Variants in SLC1A3 observed in about 807,000 individuals in gnomAD.
SLC1A3 encodes the protein excitatory amino acid transporter 1.
A neutral mutation model predicts 48.1 loss-of-function variants in SLC1A3; 21 were observed. The ratio of observed to expected loss-of-function variants is 0.44; its 90% confidence interval spans 0.31 to 0.63. The LOEUF is 0.63. SLC1A3 is among the 20% of genes least tolerant of loss of function. SLC1A3 has a pLI of 0.08. For missense variants in SLC1A3, 546 were observed against 689.0 expected (o/e 0.79, Z 2.32); for synonymous variants, 239 against 251.4 (o/e 0.95, Z 0.47).
rs117555640 is a variant in SLC1A3 at position 36,666,804 on chromosome 5, T to C, written c.320-4225T>C. On this transcript the variant is annotated intron_variant, in intron 3 of 9. Coordinates refer to ENST00000265113, the MANE Select transcript of SLC1A3 (RefSeq NM_004172.5). Reference sequence around the variant, plus strand: ...CCATATAGACTTACAGAGTACCACATACACATTTCCAAAACATTCCCTCTC... The same window carrying C: ...CCATATAGACTTACAGAGTACCACACACACATTTCCAAAACATTCCCTCTC... 8.1e-4 allele frequency among the ~76,000 whole-genome samples: 124 copies of C among 152,340 alleles called. 3 individuals are homozygous for C. In the East Asian group the frequency reaches 0.022, roughly 27 times the overall value.
At chr5:36,656,060 A>G (rs549662440) in intron 3 of SLC1A3, among the ~76,000 whole-genome samples, 133 of 152,320 alleles carry the variant, frequency 8.7e-4, no homozygotes, top group African/African-American at 3.1e-3. Flanking sequence ...TACTTATTCT[A>G]CCTTAAAGTA....
chr5:36,647,162 G>T (rs373472581), intron 3 of SLC1A3, among the ~76,000 whole-genome samples: 11 of 152,212 alleles, frequency 7.2e-5, no homozygotes, highest in African/African-American at 2.6e-4. Context: ...TGTTTATCTA[G>T]TCTATTGGAA....
intron 3 of SLC1A3, among the ~76,000 whole-genome samples, chr5:36,641,530 C>A (rs1740618016): frequency 6.6e-6 from 1 of 151,872 alleles, no homozygotes; most frequent in Admixed American, 6.6e-5. Context: ...CAAAAAAATC[C>A]CTATTATCAG....
intron 3 of SLC1A3, among the ~76,000 whole-genome samples, chr5:36,640,348 C>A (rs572158905): frequency 1.6e-4 from 24 of 152,342 alleles, no homozygotes; most frequent in African/African-American, 5.5e-4. Flanking sequence ...ATCTCAGATC[C>A]TCAGGCTGGA....
intron 6 of SLC1A3, among the ~76,000 whole-genome samples, chr5:36,678,156 T>C (rs375676166): frequency 6.6e-6 from 1 of 152,300 alleles, no homozygotes; most frequent in Admixed American, 6.5e-5. Context: ...CAGGAAAGCA[T>C]CCATTGCTAA....
At chr5:36,669,330 T>C (rs1741892918) in intron 3 of SLC1A3, 1 of 152,206 alleles carries the variant, frequency 6.6e-6, no homozygotes, top group Admixed American at 6.5e-5. Flanking sequence ...ATTTTTAACA[T>C]AGTTGAAATG....
chr5:36,600,189 A>T (rs2111629287), intron 1 of SLC1A3, among the ~76,000 whole-genome samples: 1 of 152,158 alleles, frequency 6.6e-6, no homozygotes, highest in South Asian at 2.1e-4. Flanking sequence ...TAGGGAAGAG[A>T]GAGGAGGAGG....
intron 2 of SLC1A3, among the ~76,000 whole-genome samples, chr5:36,622,638 T>C (rs1394239385): frequency 1.3e-5 from 2 of 152,198 alleles, no homozygotes; most frequent in African/African-American, 2.4e-5. Context: ...AGTAAACCTA[T>C]GATATCTTCT....
intron 1 of SLC1A3, among the ~76,000 whole-genome samples, chr5:36,601,248 C>T (rs1738804145): frequency 6.9e-6 from 1 of 144,696 alleles, no homozygotes; most frequent in African/African-American, 2.8e-5. Flanking sequence ...AACCCATGCC[C>T]CTCAATAAGC....
At chr5:36,617,468 AAATT>A (rs1739485896) in intron 2 of SLC1A3, among the ~76,000 whole-genome samples, 1 of 147,074 alleles carries the variant, frequency 6.8e-6, no homozygotes, top group Non-Finnish European at 1.5e-5. Context: ...TGTAGTAAAT[AAATT>A]AACATAGTCC....
chr5:36,677,994 G>A (rs1287913250), intron 6 of SLC1A3, among the ~76,000 whole-genome samples: 1 of 152,234 alleles, frequency 6.6e-6, no homozygotes, highest in African/African-American at 2.4e-5. Flanking sequence ...AGGAGACAAA[G>A]GAAGAGACTA....
chr5:36,678,742 A>G (rs1436727224), intron 6 of SLC1A3, among the ~76,000 whole-genome samples: 6 of 152,222 alleles, frequency 3.9e-5, no homozygotes, highest in Non-Finnish European at 8.8e-5. Flanking sequence ...TTATTTCAAC[A>G]TGTAGAAATC....
At position 36,680,198 on chromosome 5, in the gene SLC1A3, G is replaced by GC. The variant is rs1742381864; in HGVS notation, c.1095-196dup. 2.6e-5 allele frequency: 17 copies of GC among 644,292 alleles called. 1 individual carries two copies. The South Asian group carries it at 3.1e-4, about 12-fold the overall frequency. The allele number at this position is 644,292 out of a possible 1,614,324, so 39.9% of individuals were successfully genotyped here. A position where few individuals can be genotyped will look rare whatever the true frequency, so the allele number is the denominator to read the frequency against. On this transcript the variant is annotated intron_variant, in intron 7 of 9. Coordinates refer to ENST00000265113, the MANE Select transcript of SLC1A3 (RefSeq NM_004172.5). ...TGATGCCTCACAGAGGAACCCAGAA[G>GC]CAGGAGAGCTGCCAAATGACCCCGT...
intron 3 of SLC1A3, among the ~76,000 whole-genome samples, chr5:36,667,069 G>C (rs958669415): frequency 6.6e-6 from 1 of 152,192 alleles, no homozygotes; most frequent in African/African-American, 2.4e-5. Context: ...AATAGGTTTG[G>C]AGAAATGATT....
chr5:36,602,710 G>A (rs763227357), upstream of SLC1A3, among the ~76,000 whole-genome samples: 8 of 152,182 alleles, frequency 5.3e-5, no homozygotes, highest in South Asian at 2.1e-4. Flanking sequence ...TTCTTGCCAC[G>A]TGGGAATCTA....
At chr5:36,621,924 C>T (rs973431251) in intron 2 of SLC1A3, among the ~76,000 whole-genome samples, 3 of 152,264 alleles carry the variant, frequency 2.0e-5, no homozygotes, top group East Asian at 3.9e-4. Context: ...TACAATTATA[C>T]GGCAAATTCT....
intron 3 of SLC1A3, among the ~76,000 whole-genome samples, chr5:36,639,830 G>A (rs116126990): frequency 0.014 from 2,133 of 152,254 alleles, 26 homozygotes; most frequent in Non-Finnish European, 0.023. Flanking sequence ...AGTACGCTGC[G>A]CATGCACGCA....
chr5:36,661,225 A>G (rs529822202), intron 3 of SLC1A3, among the ~76,000 whole-genome samples: 62 of 152,326 alleles, frequency 4.1e-4, no homozygotes, highest in Admixed American at 6.5e-4. Flanking sequence ...CAGACAGGCC[A>G]ACGTGGCGAA....
At chr5:36,653,411 C>T (rs944285248) in intron 3 of SLC1A3, among the ~76,000 whole-genome samples, 2 of 152,204 alleles carry the variant, frequency 1.3e-5, no homozygotes. Flanking sequence ...TTACCCCTCC[C>T]AAGTTCCCCT....
Sources: allele counts gnomAD v4.1 joint callset (sites outside exome capture counted in the v4.1 genomes callset), GRCh38; gene constraint gnomAD v4.1.1; transcripts MANE v1.5; gene names NCBI Gene and HGNC (gene_info 2026-07-23, HGNC 2026-07-21).